Variants in REPS1 observed in about 807,000 individuals in gnomAD.
The protein encoded by REPS1 is RALBP1 associated Eps domain containing 1, also known as ralBP1-associated Eps domain-containing protein 1.
Under a neutral mutation model 100.9 loss-of-function variants are expected in REPS1, and 39 were observed. The ratio of observed to expected loss-of-function variants is 0.39; its 90% CI spans 0.30 to 0.50. The LOEUF is 0.50. REPS1 is among the 20% of genes least tolerant of loss of function. The probability of loss-of-function intolerance (pLI) is 0.86; values close to 1 mark genes in which losing one functional copy is unlikely to be tolerated. For missense variants in REPS1, 821 were observed against 968.5 expected (o/e 0.85, Z 2.02); for synonymous variants, 324 against 340.3 (o/e 0.95, Z 0.53).
Position 138,970,509 on chromosome 6 carries a change from G to A in REPS1, c.153+17021C>T, listed in dbSNP as rs529485289. ...TAAAAGTTAAATTACACCAAGCACA[G>A]TGGCTCACACCTAAAATCCCAGCAC... is the stretch of plus-strand genomic sequence containing the variant. On this transcript the variant is annotated intron_variant, in intron 1 of 19. Transcript: ENST00000450536. Among the ~76,000 whole-genome samples, 42 of 151,792 alleles carry A rather than the reference G, an allele frequency of 2.8e-4. No homozygotes were observed. In the South Asian group the frequency reaches 8.1e-3, roughly 29 times the overall value.
At position 138,943,861 on chromosome 6, in the gene REPS1, A is replaced by G; in HGVS notation, c.908T>C (p.Phe303Ser). The change falls in exon 6 of 20, where the codon TTT (phenylalanine) becomes TCT (serine). Residue 303 changes from phenylalanine to serine, a missense_variant. Transcript: ENST00000450536. ...FKTIQPDLNGFIPGSAAKEFF... is the reference protein window; with the variant it reads ...FKTIQPDLNGSIPGSAAKEFF... ...TGTTTTCAACAACTCACCTGGAATA[A>G]ATCCGTTTAGATCAGGCTGAATGGT... 6.2e-7 allele frequency: 1 copy of G among 1,612,680 alleles called. No homozygotes were observed. The highest frequency in any genetic ancestry group is 8.5e-7 in the Non-Finnish European group (1 of 1,179,492).
intron 19 of REPS1, 87 bp downstream of exon 19, chr6:138,907,408 T>A: frequency 1.1e-6 from 1 of 875,234 alleles, no homozygotes; most frequent in Admixed American, 2.0e-5. Context: ...ATATATGTGA[T>A]CTTGGAGGTA....
intron 1 of REPS1, among the ~76,000 whole-genome samples, chr6:138,985,345 A>G (rs952143544): frequency 4.6e-5 from 7 of 152,190 alleles, no homozygotes. Context: ...GTTATACATG[A>G]GCACTCCTAT....
chr6:138,907,372 C>A, intron 19 of REPS1, 123 bp downstream of exon 19: 30 of 461,436 alleles, frequency 6.5e-5, no homozygotes, highest in Non-Finnish European at 1.0e-4. Context: ...ACAGTCAAAG[C>A]ATCTAGAAAA....
intron 7 of REPS1, among the ~76,000 whole-genome samples, chr6:138,942,348 C>T (rs574236327): frequency 6.6e-6 from 1 of 152,286 alleles, no homozygotes; most frequent in South Asian, 2.1e-4. Flanking sequence ...TACTACAGCA[C>T]TCTATGCTAC....
At chr6:138,944,816 T>C (rs961402528) in intron 4 of REPS1, among the ~76,000 whole-genome samples, 194 bp from the exon 5 acceptor site, 2 of 152,212 alleles carry the variant, frequency 1.3e-5, no homozygotes, top group African/African-American at 4.8e-5. Context: ...ATGTATGTAA[T>C]ATATACATAA....
intron 1 of REPS1, among the ~76,000 whole-genome samples, chr6:138,957,122 ATTAAAG>A: frequency 6.6e-6 from 1 of 152,300 alleles, no homozygotes; most frequent in East Asian, 1.9e-4. Flanking sequence ...AGAGTAAATC[ATTAAAG>A]TAAGAGATTT....
At chr6:138,926,877 T>G (rs1781166190) in intron 9 of REPS1, 1 of 163,742 alleles carries the variant, frequency 6.1e-6, no homozygotes, top group Non-Finnish European at 1.3e-5. Context: ...CAAATGTTAA[T>G]GTACTGATTT....
chr6:138,917,431 T>C, intron 13 of REPS1, 124 bp downstream of exon 13: 1 of 710,556 alleles, frequency 1.4e-6, no homozygotes, highest in Non-Finnish European at 2.3e-6. Context: ...GTCTTTTACA[T>C]AAATCAAAAA....
At chr6:138,916,218 CT>C (rs10582137) in intron 13 of REPS1, 19,213 of 205,384 alleles carry the variant, frequency 0.094, 15 homozygotes, top group South Asian at 0.17. Context: ...TTCTTTTTTT[CT>C]TTTTTTTTTT....
At chr6:138,987,428 C>A (rs1443133424) in intron 1 of REPS1, 102 bp downstream of exon 1, 4 of 1,259,436 alleles carry the variant, frequency 3.2e-6, no homozygotes, top group Non-Finnish European at 2.1e-6. Flanking sequence ...CCCCGAGGAA[C>A]CAGCCCCCCG....
chr6:138,962,363 GA>G (rs201492976), intron 1 of REPS1, among the ~76,000 whole-genome samples: 1 of 149,382 alleles, frequency 6.7e-6, no homozygotes, highest in Non-Finnish European at 1.5e-5. Context: ...TGGATGCCCA[GA>G]AAAAAAAATT....
At chr6:138,914,640 T>C (rs1031155680) in intron 15 of REPS1, 57 bp downstream of exon 15, 3 of 1,344,694 alleles carry the variant, frequency 2.2e-6, no homozygotes, top group African/African-American at 1.4e-5. Context: ...TAGAATTAAA[T>C]ACCTAGCAGG....
At chr6:138,956,050 G>T (rs558095956) in intron 1 of REPS1, among the ~76,000 whole-genome samples, 1 of 152,030 alleles carries the variant, frequency 6.6e-6, no homozygotes, top group Non-Finnish European at 1.5e-5. Context: ...AAGAGTTAAC[G>T]CCTTTATGCA....
chr6:138,970,300 T>C (rs6919014), intron 1 of REPS1, among the ~76,000 whole-genome samples: 13,361 of 151,192 alleles, frequency 0.088, 1,234 homozygotes, highest in African/African-American at 0.23. Flanking sequence ...AAGAAGACAG[T>C]AGGAAGACAA....
chr6:138,986,948 C>A (rs543992966), intron 1 of REPS1, among the ~76,000 whole-genome samples: 1 of 152,314 alleles, frequency 6.6e-6, no homozygotes, highest in East Asian at 1.9e-4. Context: ...TGTTCAGTCT[C>A]ATCACATACA....
At chr6:138,951,043 CGGGCGT>C (rs1782988859) in intron 1 of REPS1, 1 of 152,000 alleles carries the variant, frequency 6.6e-6, no homozygotes, top group African/African-American at 2.4e-5. Flanking sequence ...CAAAATTACC[CGGGCGT>C]GGTGGCACAT....
At chr6:138,918,089 ATGTT>A (rs1020529984) in intron 12 of REPS1, among the ~76,000 whole-genome samples, 1 of 147,412 alleles carries the variant, frequency 6.8e-6, no homozygotes, top group African/African-American at 2.5e-5. Flanking sequence ...GTGTGTGTGT[ATGTT>A]TGTGTGTGTG....
At chr6:138,961,747 T>A (rs1260958833) in intron 1 of REPS1, among the ~76,000 whole-genome samples, 1 of 152,216 alleles carries the variant, frequency 6.6e-6, no homozygotes, top group East Asian at 1.9e-4. Flanking sequence ...AGAAATGTTA[T>A]TACAGAGTAA....
Sources: gnomAD v4.1 joint callset for allele counts (sites outside exome capture counted in the v4.1 genomes callset) on GRCh38, gnomAD v4.1.1 for gene constraint, MANE v1.5 for transcripts, NCBI Gene and HGNC (gene_info 2026-07-23, HGNC 2026-07-21) for gene names.